The following ARNT2 variants were observed in gnomAD, a reference collection of about 807,000 sequenced individuals.
The protein encoded by ARNT2 is ARNT protein 2.
ARNT2 carries 36 observed loss-of-function variants against 91.7 expected under a neutral mutation model. The observed-to-expected ratio is 0.39, with a 90% confidence interval of 0.30 to 0.52. ARNT2 has a LOEUF of 0.52. ARNT2 is among the 20% of genes least tolerant of loss of function. The pLI is 0.72. For synonymous variants in ARNT2, 365 were observed against 347.1 expected (o/e 1.05, Z -0.57); for missense variants, 775 against 939.3 (o/e 0.83, Z 2.29).
At chr15:80,429,005 AG>A (rs1895972497) in intron 1 of ARNT2, among the ~76,000 whole-genome samples, 1 of 152,220 alleles carries the variant, frequency 6.6e-6, no homozygotes, top group Non-Finnish European at 1.5e-5. Flanking sequence ...TTAAAATAAA[AG>A]GCAGAAGAAA....
intron 8 of ARNT2, among the ~76,000 whole-genome samples, chr15:80,540,675 G>T (rs1335120942): frequency 6.6e-6 from 1 of 151,986 alleles, no homozygotes; most frequent in Non-Finnish European, 1.5e-5. Flanking sequence ...TAATCCCAGT[G>T]TCTATTGTTG....
chr15:80,581,881 C>T (rs1344722836), intron 17 of ARNT2, among the ~76,000 whole-genome samples: 1 of 152,212 alleles, frequency 6.6e-6, no homozygotes, highest in African/African-American at 2.4e-5. Flanking sequence ...CCGCTGTGTC[C>T]TGTGCATTTC....
chr15:80,548,593 C>G (rs941505969), intron 8 of ARNT2, among the ~76,000 whole-genome samples: 1 of 151,914 alleles, frequency 6.6e-6, no homozygotes, highest in African/African-American at 2.4e-5. Flanking sequence ...AAATCAATAG[C>G]CTTCATATAC....
chr15:80,575,337 C>A (rs1435842565), intron 14 of ARNT2, among the ~76,000 whole-genome samples: 1 of 152,158 alleles, frequency 6.6e-6, no homozygotes, highest in Non-Finnish European at 1.5e-5. Flanking sequence ...TTCCTTTATT[C>A]CAATATCGCA....
intron 8 of ARNT2, among the ~76,000 whole-genome samples, chr15:80,527,768 T>G (rs893082522): frequency 6.6e-6 from 1 of 152,232 alleles, no homozygotes; most frequent in Non-Finnish European, 1.5e-5. Context: ...CTAGGCTTTT[T>G]GATGCCCTTA....
chr15:80,579,713 A>C (rs1033588875), intron 15 of ARNT2, among the ~76,000 whole-genome samples: 3 of 152,216 alleles, frequency 2.0e-5, no homozygotes, highest in African/African-American at 7.2e-5. Flanking sequence ...CATAGCCTGG[A>C]AAATCTCCTG....
Position 80,581,356 on chromosome 15 carries a change from C to A in ARNT2, c.1870C>A (p.Pro624Thr), listed in dbSNP as rs1161963360. ...SPLSSPATSS[P>T]SGNAYSSLAN... ...CCTCTCCAGCCCAGCTACCTCCTCG[C>A]CAAGTGGGAATGCCTACTCCAGTCT... is the stretch of plus-strand genomic sequence containing the variant. Residue 624 changes from proline (P) to threonine (T), a missense_variant, in exon 17 of 19, where the codon CCA becomes ACA. By Grantham distance (38) the Pro-to-Thr change is conservative. This residue lies in a region of ARNT2 where 325 missense variants were observed against 359.9 expected (regional missense o/e 0.90). Transcript: ENST00000303329. 8.7e-6 allele frequency: 14 copies of A among 1,614,078 alleles called. No homozygotes were observed. Among genetic ancestry groups the A allele is most frequent in the Non-Finnish European group, 1.1e-5 (13 of 1,180,040 alleles).
intron 5 of ARNT2, among the ~76,000 whole-genome samples, chr15:80,507,922 A>G (rs1412738555): frequency 6.6e-6 from 1 of 152,216 alleles, no homozygotes; most frequent in Non-Finnish European, 1.5e-5. Flanking sequence ...CCAGCAAAGC[A>G]GAGACAGCAA....
At chr15:80,537,454 A>C (rs1188004359) in intron 8 of ARNT2, among the ~76,000 whole-genome samples, 8 of 152,162 alleles carry the variant, frequency 5.3e-5, no homozygotes, top group African/African-American at 1.9e-4. Flanking sequence ...TATTGAGAGA[A>C]TTTATACAAC....
chr15:80,583,040 G>C (rs537339245), intron 17 of ARNT2, among the ~76,000 whole-genome samples: 1 of 152,308 alleles, frequency 6.6e-6, no homozygotes, highest in African/African-American at 2.4e-5. Context: ...AAAACCTTCA[G>C]TGCCAGGCCC....
At position 80,580,387 on chromosome 15, in the gene ARNT2, T is replaced by C. The variant is rs1326892913; in HGVS notation, c.1614-24T>C. 4 of 1,613,734 alleles carry C rather than the reference T, an allele frequency of 2.5e-6. No individual in the cohort carries two copies. In the African/African-American group the frequency reaches 4.0e-5, roughly 16 times the overall value. On this transcript the variant is annotated intron_variant, in intron 15 of 18. Coordinates refer to ENST00000303329, the MANE Select transcript of ARNT2 (RefSeq NM_014862.4). ...ATGCAAACCAGGTGTGTCCTCGGGA[T>C]AAATGCATTTTCCTCTTTTCTAGCT...
chr15:80,467,580 G>A lies in ARNT2; in HGVS notation c.195-2638G>A, dbSNP rs551707417. On this transcript the variant is annotated intron_variant, in intron 3 of 18. Transcript: ENST00000303329. The stretch of plus-strand genomic sequence containing the variant: ...TGGCGGGCAAGTGCGGGGCGGTGGC[G>A]TGCAGCCCTGGACCTAACTCATGCG... Among the ~76,000 whole-genome samples the A allele has an allele frequency of 3.9e-5, 6 of 152,306 alleles. No homozygotes were observed. The South Asian group carries it at 1.0e-3, about 26-fold the overall frequency.
At chr15:80,455,958 G>A (rs1267232154) in intron 2 of ARNT2, among the ~76,000 whole-genome samples, 1 of 152,062 alleles carries the variant, frequency 6.6e-6, no homozygotes, top group Non-Finnish European at 1.5e-5. Flanking sequence ...TCATGTGGAC[G>A]GCAAAATCGC....
chr15:80,558,433 A>G (rs1160760962), intron 11 of ARNT2, among the ~76,000 whole-genome samples: 3 of 144,966 alleles, frequency 2.1e-5, no homozygotes, highest in Non-Finnish European at 4.5e-5. Context: ...TCCACCTTCC[A>G]GGTTCAAGTG....
intron 5 of ARNT2, among the ~76,000 whole-genome samples, chr15:80,486,192 T>C (rs1037647698): frequency 6.6e-6 from 1 of 152,210 alleles, no homozygotes; most frequent in Non-Finnish European, 1.5e-5. Context: ...CTTCTAAGAA[T>C]ACCAGTCTGT....
In ARNT2 at chr15:80,510,657, C is replaced by T. The variant is rs187745164; in HGVS notation, c.725+2399C>T. Among the ~76,000 whole-genome samples the T allele has an allele frequency of 1.1e-4, 16 of 151,948 alleles. No individual in the cohort carries two copies. In the East Asian group the frequency reaches 1.2e-3, roughly 11 times the overall value. On this transcript the variant is annotated intron_variant, in intron 6 of 18. Coordinates refer to ENST00000303329, the MANE Select transcript of ARNT2 (RefSeq NM_014862.4). Reference sequence around the variant, plus strand: ...TATCCTGGCCAACATGGTGAAACCCCGTCTCTACTAAAAATAGAAAAATTA... The same window carrying T: ...TATCCTGGCCAACATGGTGAAACCCTGTCTCTACTAAAAATAGAAAAATTA...
Position 80,526,490 on chromosome 15 carries a change from C to T in ARNT2, c.877+12085C>T, listed in dbSNP as rs138174581. Among the ~76,000 whole-genome samples the T allele has an allele frequency of 1.4e-3, 212 of 152,334 alleles. 1 individual carries two copies. The highest frequency in any genetic ancestry group is 4.6e-3 in the African/African-American group (191 of 41,572). On this transcript the variant is annotated intron_variant, in intron 8 of 18. Coordinates refer to ENST00000303329, the MANE Select transcript of ARNT2 (RefSeq NM_014862.4). ...ATCTTCCTTTCTAGTAACCATCGTC[C>T]GACCTGCCTGGTTCCTCACCTAACA...
At chr15:80,417,424 C>T (rs12594558) in intron 1 of ARNT2, among the ~76,000 whole-genome samples, 34,494 of 152,116 alleles carry the variant, frequency 0.23, 4,070 homozygotes, top group Non-Finnish European at 0.24. Context: ...GACTTAGTGA[C>T]TTAAAAACCA....
At chr15:80,556,963 A>G (rs1009265512) in intron 11 of ARNT2, 3 of 152,178 alleles carry the variant, frequency 2.0e-5, no homozygotes, top group Non-Finnish European at 4.4e-5. Context: ...GCAGTGTTCT[A>G]TTCAAGTAAA....
Sources: gnomAD v4.1 joint callset for allele counts (sites outside exome capture counted in the v4.1 genomes callset) on GRCh38, gnomAD v4.1.1 for gene constraint, gnomAD v4.1.1 regional missense constraint, MANE v1.5 for transcripts, NCBI Gene and HGNC (gene_info 2026-07-23, HGNC 2026-07-21) for gene names.